ANKMY1: variants seen among roughly 807,000 people sequenced by gnomAD.
ANKMY1 encodes ankyrin repeat and MYND domain containing 1, also known as ankyrin repeat and MYND domain-containing protein 1.
ANKMY1 carries 98 observed loss-of-function variants against 102.0 expected under a neutral mutation model. The observed-to-expected ratio is 0.96, with a 90% CI of 0.82 to 1.14. The LOEUF is 1.14. ANKMY1 is among the 50% of genes most tolerant of loss of function. The pLI is 0.00. For missense variants in ANKMY1, 1,330 were observed against 1,347.6 expected, an observed-to-expected ratio of 0.99 and a Z score of 0.20; for synonymous variants, 582 against 559.9, an observed-to-expected ratio of 1.04 and a Z score of -0.56.
At chr2:240,481,185 T>G in intron 16 of ANKMY1, 88 bp from the exon 17 acceptor site, 1 of 1,502,840 alleles carries the variant, frequency 6.7e-7, no homozygotes, top group Admixed American at 1.9e-5. Context: ...TGCCTGGCCC[T>G]GAGCTCCTGG....
intron 15 of ANKMY1, among the ~76,000 whole-genome samples, chr2:240,489,843 T>A (rs2076441629): frequency 6.6e-6 from 1 of 152,216 alleles, no homozygotes; most frequent in Non-Finnish European, 1.5e-5. Context: ...TTGGTATTAG[T>A]TCTTCTTTAT....
At chr2:240,517,849 G>A (rs773540019) in intron 9 of ANKMY1, among the ~76,000 whole-genome samples, 5 of 152,152 alleles carry the variant, frequency 3.3e-5, no homozygotes, top group Admixed American at 6.5e-5. Context: ...CTTTGTGTGG[G>A]TAATCAGGCC....
intron 4 of ANKMY1, among the ~76,000 whole-genome samples, chr2:240,547,347 G>C (rs571062722): frequency 6.6e-6 from 1 of 151,766 alleles, no homozygotes; most frequent in Non-Finnish European, 1.5e-5. Flanking sequence ...AGAATCTCTG[G>C]GACGCATTCA....
chr2:240,554,608 G>T, intron 3 of ANKMY1: 1 of 447,610 alleles, frequency 2.2e-6, no homozygotes, highest in Non-Finnish European at 4.0e-6. Context: ...ATTTTAAAAC[G>T]TCTGCCCAGA....
chr2:240,525,907 G>A, intron 6 of ANKMY1, 58 bp from the exon 7 acceptor site: 1 of 1,581,374 alleles, frequency 6.3e-7, no homozygotes, highest in Non-Finnish European at 8.6e-7. Context: ...GGGTGGGAAG[G>A]GTCACTGGGT....
chr2:240,470,712 G>T, the ANKMY1 span, among the ~76,000 whole-genome samples: 1,708 of 152,282 alleles, frequency 0.011, 23 homozygotes, highest in African/African-American at 0.034. Context: ...AAAGAAACAG[G>T]AGGAAACACT....
chr2:240,477,702 GT>G (rs2074948385), downstream of ANKMY1, among the ~76,000 whole-genome samples: 1 of 152,092 alleles, frequency 6.6e-6, no homozygotes, highest in Non-Finnish European at 1.5e-5. Flanking sequence ...TATCACTCTT[GT>G]CTTTGCTGTC....
At chr2:240,472,582 G>T in the ANKMY1 span, among the ~76,000 whole-genome samples, 2 of 152,162 alleles carry the variant, frequency 1.3e-5, no homozygotes, top group Admixed American at 1.3e-4. Context: ...AGGTCTTAGA[G>T]GCAGTCCAGT....
intron 4 of ANKMY1, 86 bp downstream of exon 4, chr2:240,552,828 C>T: frequency 1.3e-6 from 2 of 1,595,958 alleles, no homozygotes; most frequent in Non-Finnish European, 8.5e-7. Context: ...AAATAAACTT[C>T]CCCAGGACCG....
intron 4 of ANKMY1, among the ~76,000 whole-genome samples, chr2:240,537,113 T>C (rs1471815233): frequency 6.6e-6 from 1 of 152,134 alleles, no homozygotes; most frequent in Non-Finnish European, 1.5e-5. Flanking sequence ...CACAGCAGCC[T>C]GAGGAATGTG....
chr2:240,493,569 T>C (rs2076894720), intron 15 of ANKMY1, among the ~76,000 whole-genome samples: 1 of 149,544 alleles, frequency 6.7e-6, no homozygotes, highest in Non-Finnish European at 1.5e-5. Flanking sequence ...AGTAGTGTAG[T>C]CTCTGTGTGG....
At chr2:240,482,407 T>C (rs2075517567) in intron 15 of ANKMY1, 146 bp from the exon 16 acceptor site, 6 of 680,512 alleles carry the variant, frequency 8.8e-6, no homozygotes, top group Non-Finnish European at 1.4e-5. Context: ...GATGGCTCCA[T>C]AGTGGGTGCG....
intron 15 of ANKMY1, among the ~76,000 whole-genome samples, chr2:240,487,213 T>C (rs1303991725): frequency 6.6e-6 from 1 of 152,254 alleles, no homozygotes; most frequent in Non-Finnish European, 1.5e-5. Flanking sequence ...CTCCCACATA[T>C]AAGTGAGAAC....
At position 240,479,585 on chromosome 2, in the gene ANKMY1, A is replaced by G; in HGVS notation, c.*24T>C. Reference sequence around the variant, plus strand: ...CCCACACAGTCCTGGGTCCTCCCCAAGCCTCGGACGTGCAGCTGCTGCTTC... The same window carrying G: ...CCCACACAGTCCTGGGTCCTCCCCAGGCCTCGGACGTGCAGCTGCTGCTTC... On this transcript the variant is annotated 3_prime_UTR_variant, in exon 18 of 18. Transcript: ENST00000401804. 6.2e-7 allele frequency: 1 copy of G among 1,613,754 alleles called. No individual in the cohort carries two copies. The highest frequency in any genetic ancestry group is 1.7e-5 in the Admixed American group (1 of 60,032).
chr2:240,478,765 G>C (rs905297425), downstream of ANKMY1, among the ~76,000 whole-genome samples: 1 of 151,016 alleles, frequency 6.6e-6, no homozygotes, highest in Non-Finnish European at 1.5e-5. Flanking sequence ...CAGCTGCTTT[G>C]ACAGCCACAA....
At chr2:240,554,659 A>C (rs2092069755) in intron 3 of ANKMY1, 1 of 584,520 alleles carries the variant, frequency 1.7e-6, no homozygotes, top group African/African-American at 1.9e-5. Flanking sequence ...CCCAAACCTC[A>C]TCCTGGGACC....
intron 15 of ANKMY1, among the ~76,000 whole-genome samples, chr2:240,497,901 AAGG>A (rs2077475947): frequency 6.6e-6 from 1 of 152,158 alleles, no homozygotes; most frequent in Non-Finnish European, 1.5e-5. Context: ...CTCTGATGGA[AAGG>A]AGGAGGCAGT....
chr2:240,512,381 GC>G (rs1462357254), intron 10 of ANKMY1, among the ~76,000 whole-genome samples: 1 of 152,270 alleles, frequency 6.6e-6, no homozygotes, highest in African/African-American at 2.4e-5. Context: ...TGGCCTTGCG[GC>G]CCATGACTGG....
chr2:240,529,072 C>A lies in ANKMY1; in HGVS notation c.918G>T (p.Leu306Phe), dbSNP rs757940928. The stretch of plus-strand genomic sequence containing the variant: ...AAGTTTGCTTCTGGATTTTGACCAA[C>A]AAAGGGGTCTCATTGATTATGAACC... ...EPWFIINETP[L>F]LVKIQKQTYK... is the part of the protein sequence containing the mutation. The change falls in exon 5 of 18, where the codon TTG becomes TTT. Residue 306 changes from leucine (L) to phenylalanine (F), a missense_variant. Leu to Phe is a conservative substitution (Grantham distance 22, BLOSUM62 0). Transcript: ENST00000401804. The surrounding 1 kb of genome is among the most constrained non-coding windows in gnomAD (Gnocchi z 4.2). The A allele has an allele frequency of 1.2e-6, 2 of 1,614,170 alleles. No homozygotes were observed. The highest frequency in any genetic ancestry group is 1.7e-6 in the Non-Finnish European group (2 of 1,180,024).
Sources: gnomAD v4.1 joint callset for allele counts (sites outside exome capture counted in the v4.1 genomes callset) on GRCh38, gnomAD v4.1.1 for gene constraint, Gnocchi (gnomAD v3.1) non-coding constraint, MANE v1.5 for transcripts, NCBI Gene and HGNC (gene_info 2026-07-23, HGNC 2026-07-21) for gene names.